ATP2A3: variants seen among roughly 807,000 people sequenced by gnomAD.
ATP2A3 encodes the protein ATPase sarcoplasmic/endoplasmic reticulum Ca2+ transporting 3, also known as sarcoplasmic/endoplasmic reticulum calcium ATPase 3.
A neutral mutation model predicts 106.8 loss-of-function variants in ATP2A3; 61 were observed. That is an observed-to-expected ratio of 0.57 (90% confidence interval 0.46 to 0.71). The LOEUF is 0.71. Ranked by LOEUF, ATP2A3 falls within the 30% of genes least tolerant of loss-of-function variation. The pLI is 0.00. For missense variants in ATP2A3, 1,201 were observed against 1,423.5 expected, an observed-to-expected ratio of 0.84 and a Z score of 2.52; for synonymous variants, 611 against 609.3, an observed-to-expected ratio of 1.00 and a Z score of -0.04.
chr17:3,964,153 C>T (rs891206032), intron 1 of ATP2A3, 21 bp downstream of exon 1: 1 of 1,129,494 alleles, frequency 8.9e-7, no homozygotes, highest in African/African-American at 1.7e-5. Flanking sequence ...CTCCCCGGCC[C>T]GGCCCGGCCC....
At chr17:3,935,061 G>A (rs2053352230) in intron 17 of ATP2A3, 131 bp downstream of exon 17, 1 of 975,250 alleles carries the variant, frequency 1.0e-6, no homozygotes, top group Non-Finnish European at 1.6e-6. Flanking sequence ...CCCAGGTGGG[G>A]ATGTTTATTC....
At chr17:3,931,010 CGT>C (rs1347506474) in intron 17 of ATP2A3, 1 of 207,844 alleles carries the variant, frequency 4.8e-6, no homozygotes, top group Non-Finnish European at 9.9e-6. Context: ...CGTGGTGGTG[CGT>C]GCCTGTAATC....
intron 20 of ATP2A3, chr17:3,927,052 C>T (rs959141771): frequency 2.0e-6 from 2 of 985,358 alleles, no homozygotes; most frequent in African/African-American, 3.5e-5. Context: ...AACATCTGTG[C>T]TCACCCAGCC....
rs947199897 is a variant in ATP2A3 at position 3,941,215 on chromosome 17, A to G, written c.1856T>C (p.Ile619Thr). 6.2e-7 allele frequency: 1 copy of G among 1,614,096 alleles called. No individual in the cohort carries two copies. The highest frequency in any genetic ancestry group is 1.7e-5 in the Admixed American group (1 of 60,036). Residue 619 changes from isoleucine to threonine, a missense_variant, in exon 14 of 21, where the codon ATC becomes ACC. Ile to Thr is a moderately conservative substitution (Grantham distance 89). Coordinates refer to ENST00000397041, the MANE Select transcript of ATP2A3 (RefSeq NM_005173.4). ...ATCCCCCGTGATCATGACCACGCGGATGCCCGCCTGGTAGCAGCGTGTGAT... is the reference window on the plus strand; with the variant it reads ...ATCCCCCGTGATCATGACCACGCGGGTGCCCGCCTGGTAGCAGCGTGTGAT... ...ACITRCYQAG[I>T]RVVMITGDNK... is the part of the protein sequence containing the mutation.
In ATP2A3 at chr17:3,940,031, C is replaced by CTTTTTT. The variant is rs1174008086; in HGVS notation, c.2100+934_2100+939dup. On this transcript the variant is annotated intron_variant, in intron 14 of 20. Coordinates refer to ENST00000397041, the MANE Select transcript of ATP2A3 (RefSeq NM_005173.4). ...ATGGGTTGATGGTAATGTGTCATAT[C>CTTTTTT]TTTTTTTTTTTGTTTTTTGTTTTTT... 2.5e-3 allele frequency among the ~76,000 whole-genome samples: 238 copies of CTTTTTT among 96,508 alleles called. 43 individuals carry two copies. The highest frequency in any genetic ancestry group is 0.01 in the African/African-American group (221 of 21,132). 63.3% of individuals were successfully genotyped at this position (96,508 alleles called of 152,430 possible).
chr17:3,927,811 T>C (rs2052795600), intron 20 of ATP2A3: 1 of 985,268 alleles, frequency 1.0e-6, no homozygotes, highest in Non-Finnish European at 1.2e-6. Flanking sequence ...GATCTATTTA[T>C]AGTCCCTCCA....
In ATP2A3 at chr17:3,930,684, C is replaced by T. The variant is rs151076728; in HGVS notation, c.2611-250G>A. ...CAGACGTTCTGGAGCAGGAGTGCAGCGGCTCAGAAGGAGAACAGCTGGCAT... is the reference window on the plus strand; with the variant it reads ...CAGACGTTCTGGAGCAGGAGTGCAGTGGCTCAGAAGGAGAACAGCTGGCAT... On this transcript the variant is annotated intron_variant, in intron 17 of 20. Coordinates refer to ENST00000397041, the MANE Select transcript of ATP2A3 (RefSeq NM_005173.4). This position sits in a 1 kb window ranked among gnomAD's most constrained non-coding sequence, Gnocchi z 5.4. The T allele has an allele frequency of 9.6e-4, 562 of 585,574 alleles. No individual in the cohort carries two copies. Among genetic ancestry groups the T allele is most frequent in the African/African-American group, 8.7e-3 (469 of 53,780 alleles). 36.3% of individuals were successfully genotyped at this position (585,574 alleles called of 1,614,324 possible).
At position 3,953,242 on chromosome 17, in the gene ATP2A3, G is replaced by A. The variant is rs1195389073; in HGVS notation, c.219+105C>T. The A allele has an allele frequency of 1.6e-6, 2 of 1,281,948 alleles. No individual in the cohort carries two copies. The highest frequency in any genetic ancestry group is 3.4e-5 in the Admixed American group (2 of 59,406). The allele number at this position is 1,281,948 out of a possible 1,614,324, so 79.4% of individuals were successfully genotyped here. On this transcript the variant is annotated intron_variant, in intron 3 of 20. Coordinates refer to ENST00000397041, the MANE Select transcript of ATP2A3 (RefSeq NM_005173.4). This position sits in a 1 kb window ranked among gnomAD's most constrained non-coding sequence, Gnocchi z 5.1. ...GGGAAGGCCAGGGCGCAGGCCCAGG[G>A]TGTGGAGGACAGGCCCAGGCTCCAG... is the stretch of plus-strand genomic sequence containing the variant.
rs182113536 is a variant in ATP2A3 at position 3,941,774 on chromosome 17, G to C, written c.1546-120C>G. 9 of 1,009,034 alleles carry C rather than the reference G, an allele frequency of 8.9e-6. No individual in the cohort carries two copies. In the East Asian group the frequency reaches 1.6e-4, roughly 18 times the overall value. 62.5% of individuals were successfully genotyped at this position (1,009,034 alleles called of 1,614,324 possible). A position where few individuals can be genotyped will look rare whatever the true frequency, so the allele number is the denominator to read the frequency against. On this transcript the variant is annotated intron_variant, in intron 12 of 20. Coordinates refer to ENST00000397041, the MANE Select transcript of ATP2A3 (RefSeq NM_005173.4). ...GCAAAGGCCACCCAAGGGTACACACGCAAGGCAGGGAGCAGAATCCATTCA... is the reference window on the plus strand; with the variant it reads ...GCAAAGGCCACCCAAGGGTACACACCCAAGGCAGGGAGCAGAATCCATTCA...
intron 17 of ATP2A3, among the ~76,000 whole-genome samples, chr17:3,931,679 G>A (rs189570408): frequency 3.6e-3 from 554 of 151,852 alleles, no homozygotes; most frequent in African/African-American, 0.012. Context: ...CCGCCACCAC[G>A]CCCGGCTAAT....
In ATP2A3 at chr17:3,937,504, C is replaced by T. The variant is rs764213441; in HGVS notation, c.2233G>A (p.Ala745Thr). Residue 745 changes from alanine to threonine, a missense_variant, in exon 15 of 21, where the codon GCT becomes ACT. Transcript: ENST00000397041. ...ATGGCCCGGCCCTCCTCCACCGCAG[C>T]CACGATGGAGGCAAAGTTGTCATCT... ...LSDDNFASIV[A>T]AVEEGRAIYS... 13 of 1,614,082 alleles carry T rather than the reference C, an allele frequency of 8.1e-6. No homozygotes were observed. The South Asian group carries it at 1.3e-4, about 16-fold the overall frequency.
rs2053524228 is a variant in ATP2A3, at chr17:3,937,591, T to C, written c.2146A>G (p.Ile716Val). ...NDAPALKKAE[I>V]GIAMGSGTAV... is the part of the protein sequence containing the mutation. Reference sequence around the variant, plus strand: ...GTGCCTGAGCCCATGGCGATGCCGATCTCTGCTTTCTTCAGGGCTGGTGCG... The same window carrying C: ...GTGCCTGAGCCCATGGCGATGCCGACCTCTGCTTTCTTCAGGGCTGGTGCG... The change falls in exon 15 of 21, where the codon ATC becomes GTC. Residue 716 changes from isoleucine (I) to valine (V), a missense_variant. By Grantham distance (29) the Ile-to-Val change is conservative. Transcript: ENST00000397041. 6.2e-7 allele frequency: 1 copy of C among 1,613,974 alleles called. No homozygotes were observed. The highest frequency in any genetic ancestry group is 1.3e-5 in the African/African-American group (1 of 74,944).
At position 3,944,745 on chromosome 17, in the gene ATP2A3, T is replaced by C. The variant is rs2053991530; in HGVS notation, c.1246A>G (p.Ile416Val). 1 of 1,613,226 alleles carries C rather than the reference T, an allele frequency of 6.2e-7. No homozygotes were observed. Among genetic ancestry groups the C allele is most frequent in the East Asian group, 2.2e-5 (1 of 44,862 alleles). Residue 416 changes from isoleucine to valine, a missense_variant, in exon 10 of 21, where the codon ATC becomes GTC. Physicochemically the swap from Ile to Val is conservative, Grantham distance 29 (BLOSUM62 3). Around this residue, in one of 2 missense-constraint regions of ATP2A3, gnomAD observed 935 missense variants for 1,176.7 expected, o/e 0.79. Transcript: ENST00000397041. ...QFDGLVELAT[I>V]CALCNDSALD... ...GCCGAGTCGTTGCACAGGGCGCAGA[T>C]GGTCGCCAGCTCCACCAGCCCGTCG...
In ATP2A3 at chr17:3,953,470, T is replaced by C. The variant is rs756445343; in HGVS notation, c.137-41A>G. On this transcript the variant is annotated intron_variant, in intron 2 of 20. Coordinates refer to ENST00000397041, the MANE Select transcript of ATP2A3 (RefSeq NM_005173.4). The surrounding 1 kb of genome is among the most constrained non-coding windows in gnomAD (Gnocchi z 5.1). ...ATGTGTGAGGCTGGGCCCCCACCAC[T>C]GACCCTGCCCACTCAGAGCTGGGAT... is the stretch of plus-strand genomic sequence containing the variant. The C allele has an allele frequency of 1.0e-5, 16 of 1,600,696 alleles. 1 individual carries two copies. The highest frequency in any genetic ancestry group is 1.7e-4 in the Middle Eastern group (1 of 6,032).
At chr17:3,944,847 C>A in intron 9 of ATP2A3, 41 bp from the exon 10 acceptor site, 16 of 1,566,620 alleles carry the variant, frequency 1.0e-5, no homozygotes, top group Non-Finnish European at 1.2e-5. Flanking sequence ...CTCGGCTCCG[C>A]CCCCGAGAGG....
rs141731844 is a variant in ATP2A3, at chr17:3,947,956, C to G, written c.631-101G>C. 4 of 1,209,886 alleles carry G rather than the reference C, an allele frequency of 3.3e-6. No individual in the cohort carries two copies. In the East Asian group the frequency reaches 7.5e-5, roughly 23 times the overall value. 74.9% of individuals were successfully genotyped at this position (1,209,886 alleles called of 1,614,324 possible). On this transcript the variant is annotated intron_variant, in intron 7 of 20. Transcript: ENST00000397041. This position sits in a 1 kb window ranked among gnomAD's most constrained non-coding sequence, Gnocchi z 7.7. ...GGAATAAGGCACTTATCCTTCTACC[C>G]GGCTTTCCTTTTCTCCATGTTGCTA...
At chr17:3,946,978 T>C (rs998465126) in intron 8 of ATP2A3, among the ~76,000 whole-genome samples, 1 of 152,252 alleles carries the variant, frequency 6.6e-6, no homozygotes, top group Non-Finnish European at 1.5e-5. Flanking sequence ...CTGGCTTATC[T>C]GGTGACAGGT....
chr17:3,929,194 G>T lies in ATP2A3; in HGVS notation c.2862+134C>A. The stretch of plus-strand genomic sequence containing the variant: ...TGAAGGTGGGGCCACAGCTGGAGGT[G>T]GTGGCTGGCCAGACCTCTCACCTCC... On this transcript the variant is annotated intron_variant, in intron 19 of 20. Transcript: ENST00000397041. The surrounding 1 kb of genome is among the most constrained non-coding windows in gnomAD (Gnocchi z 4.3). 1 of 806,166 alleles carries T rather than the reference G, an allele frequency of 1.2e-6. No individual in the cohort carries two copies. The highest frequency in any genetic ancestry group is 2.6e-5 in the Admixed American group (1 of 38,228). The allele number at this position is 806,166 out of a possible 1,614,324, so 49.9% of individuals were successfully genotyped here. A position where few individuals can be genotyped will look rare whatever the true frequency, so the allele number is the denominator to read the frequency against.
Position 3,947,989 on chromosome 17 carries a change from C to T in ATP2A3, c.631-134G>A. The T allele has an allele frequency of 1.2e-6, 1 of 857,536 alleles. No individual in the cohort carries two copies. The highest frequency in any genetic ancestry group is 1.8e-6 in the Non-Finnish European group (1 of 545,982). The allele number at this position is 857,536 out of a possible 1,614,324, so 53.1% of individuals were successfully genotyped here. A position where few individuals can be genotyped will look rare whatever the true frequency, so the allele number is the denominator to read the frequency against. ...CTTTTCTCCATGTTGCTAGTGCTTCCAGACTCCTGTAGCTATGTATGCACG... is the reference window on the plus strand; with the variant it reads ...CTTTTCTCCATGTTGCTAGTGCTTCTAGACTCCTGTAGCTATGTATGCACG... On this transcript the variant is annotated intron_variant, in intron 7 of 20. Transcript: ENST00000397041. This position sits in a 1 kb window ranked among gnomAD's most constrained non-coding sequence, Gnocchi z 7.7.
Sources: gnomAD v4.1 joint callset for allele counts (sites outside exome capture counted in the v4.1 genomes callset) on GRCh38, gnomAD v4.1.1 for gene constraint, gnomAD v4.1.1 regional missense constraint, Gnocchi (gnomAD v3.1) non-coding constraint, MANE v1.5 for transcripts, NCBI Gene and HGNC (gene_info 2026-07-23, HGNC 2026-07-21) for gene names.